The following ZNF385D variants were observed in gnomAD, a reference collection of about 807,000 sequenced individuals.
The protein encoded by ZNF385D is zinc finger protein 659.
ZNF385D carries 15 observed loss-of-function variants against 35.8 expected under a neutral mutation model. The ratio of observed to expected loss-of-function variants is 0.42; its 90% CI spans 0.28 to 0.64. ZNF385D has a LOEUF of 0.64. Among genes scored for constraint, ZNF385D ranks in the 30% least tolerant of loss-of-function variants. The pLI is 0.23. For synonymous variants in ZNF385D, 212 were observed against 186.8 expected (o/e 1.13, Z -1.10); for missense variants, 474 against 494.6 (o/e 0.96, Z 0.39).
chr3:21,706,753 C>A (rs974437744), intron 1 of ZNF385D, among the ~76,000 whole-genome samples: 3 of 152,010 alleles, frequency 2.0e-5, no homozygotes, highest in African/African-American at 7.3e-5. Context: ...AACAGAGCAC[C>A]ACATCACCTA....
chr3:21,463,350 T>A (rs1703305102), intron 4 of ZNF385D, among the ~76,000 whole-genome samples: 1 of 152,224 alleles, frequency 6.6e-6, no homozygotes, highest in South Asian at 2.1e-4. Flanking sequence ...GATTTGTTTC[T>A]GCATTAAAAT....
chr3:21,927,761 G>A (rs974436415), intron 3 of ZNF385D, among the ~76,000 whole-genome samples: 1 of 152,102 alleles, frequency 6.6e-6, no homozygotes, highest in Non-Finnish European at 1.5e-5. Flanking sequence ...TAAACTAGGG[G>A]ACATTTTATT....
intron 3 of ZNF385D, chr3:21,543,006 G>A (rs2062230399): frequency 6.5e-6 from 1 of 152,828 alleles, no homozygotes; most frequent in Non-Finnish European, 1.5e-5. Context: ...GTGAGTGAAA[G>A]GGGGACTCAA....
intron 3 of ZNF385D, among the ~76,000 whole-genome samples, chr3:22,148,316 G>T (rs1433197451): frequency 6.6e-6 from 1 of 152,166 alleles, no homozygotes; most frequent in Non-Finnish European, 1.5e-5. Flanking sequence ...TAAATAAGTT[G>T]TGTTATTTCT....
chr3:21,550,656 CATTTTTA>C (rs1209107017), intron 3 of ZNF385D, among the ~76,000 whole-genome samples: 1 of 152,070 alleles, frequency 6.6e-6, no homozygotes, highest in African/African-American at 2.4e-5. Flanking sequence ...CTAATTTTTG[CATTTTTA>C]ACAGAGACAG....
At chr3:22,196,645 A>G (rs897844595) in intron 2 of ZNF385D, among the ~76,000 whole-genome samples, 4 of 152,014 alleles carry the variant, frequency 2.6e-5, no homozygotes, top group Non-Finnish European at 5.9e-5. Context: ...ATTTTACCAT[A>G]TATTGGAAAA....
chr3:21,905,731 A>T (rs1404638028), intron 3 of ZNF385D, among the ~76,000 whole-genome samples: 1 of 151,218 alleles, frequency 6.6e-6, no homozygotes, highest in African/African-American at 2.4e-5. Flanking sequence ...CACACTTTTT[A>T]CTATTGATTA....
At chr3:21,854,701 G>A (rs1344882336) in intron 3 of ZNF385D, among the ~76,000 whole-genome samples, 5 of 151,802 alleles carry the variant, frequency 3.3e-5, no homozygotes, top group African/African-American at 1.2e-4. Flanking sequence ...CTTTAATCCT[G>A]ACTATGGCTT....
chr3:21,799,383 G>C (rs1163640422), intron 3 of ZNF385D, among the ~76,000 whole-genome samples: 1 of 152,106 alleles, frequency 6.6e-6, no homozygotes, highest in African/African-American at 2.4e-5. Flanking sequence ...ATTCCCACCA[G>C]CAATGTGTAA....
At chr3:21,716,988 T>A (rs1575521438) in intron 1 of ZNF385D, among the ~76,000 whole-genome samples, 1 of 151,830 alleles carries the variant, frequency 6.6e-6, no homozygotes, top group African/African-American at 2.4e-5. Context: ...TGTGATGTGG[T>A]GTAGTGTGGT....
At chr3:21,958,592 A>C (rs776318782) in intron 3 of ZNF385D, among the ~76,000 whole-genome samples, 1 of 152,166 alleles carries the variant, frequency 6.6e-6, no homozygotes, top group Non-Finnish European at 1.5e-5. Flanking sequence ...CATTGTTCCA[A>C]GTCAATGAAA....
intron 3 of ZNF385D, among the ~76,000 whole-genome samples, chr3:22,106,078 A>C (rs1702195772): frequency 6.6e-6 from 1 of 152,130 alleles, no homozygotes; most frequent in Non-Finnish European, 1.5e-5. Context: ...TAGGACTCTG[A>C]AACTCTGACT....
chr3:21,950,228 G>C (rs1368290626), intron 3 of ZNF385D, among the ~76,000 whole-genome samples: 1 of 151,746 alleles, frequency 6.6e-6, no homozygotes, highest in Admixed American at 6.6e-5. Flanking sequence ...GTTGTTTCCT[G>C]ACTTTTTAAT....
intron 1 of ZNF385D, among the ~76,000 whole-genome samples, chr3:21,679,746 T>C (rs548087585): frequency 4.0e-5 from 6 of 151,762 alleles, no homozygotes; most frequent in African/African-American, 1.4e-4. Flanking sequence ...GGAGGGAAAA[T>C]AGCAATTTGG....
intron 3 of ZNF385D, among the ~76,000 whole-genome samples, chr3:22,138,160 T>C (rs1448340934): frequency 6.6e-6 from 1 of 151,922 alleles, no homozygotes; most frequent in Non-Finnish European, 1.5e-5. Context: ...CTCAATGAAA[T>C]AAAAGAGGAT....
rs188644604 is a variant in ZNF385D, at chr3:21,826,106, C to G, written c.326-161078G>C. Among the ~76,000 whole-genome samples the G allele has an allele frequency of 3.9e-5, 6 of 152,252 alleles. No individual in the cohort carries two copies. The South Asian group carries it at 1.2e-3, about 32-fold the overall frequency. On this transcript the variant is annotated intron_variant, in intron 3 of 5. Transcript: ENST00000494108. Reference sequence around the variant, plus strand: ...TCCCTAGTGCCAAAAACGTTGGGGACGGCTGCTCTAGCCAACTTTCTCTTA... The same window carrying G: ...TCCCTAGTGCCAAAAACGTTGGGGAGGGCTGCTCTAGCCAACTTTCTCTTA...
chr3:21,865,093 C>T (rs932283961), intron 3 of ZNF385D, among the ~76,000 whole-genome samples: 3 of 111,186 alleles, frequency 2.7e-5, no homozygotes, highest in Non-Finnish European at 3.5e-5. Context: ...GAGGAGCCTA[C>T]CACTTGCCGT....
intron 3 of ZNF385D, among the ~76,000 whole-genome samples, chr3:22,014,221 G>C (rs1005652082): frequency 1.3e-5 from 2 of 151,702 alleles, no homozygotes; most frequent in Non-Finnish European, 2.9e-5. Context: ...TTTTTTAAAG[G>C]GGGAAGGAAG....
intron 2 of ZNF385D, among the ~76,000 whole-genome samples, chr3:22,354,294 T>C (rs915540257): frequency 6.6e-6 from 1 of 152,090 alleles, no homozygotes; most frequent in Admixed American, 6.6e-5. Flanking sequence ...AAAACATCAG[T>C]ACATATTTCA....
Sources: gnomAD v4.1 joint callset for allele counts (sites outside exome capture counted in the v4.1 genomes callset) on GRCh38, gnomAD v4.1.1 for gene constraint, MANE v1.5 for transcripts, NCBI Gene and HGNC (gene_info 2026-07-23, HGNC 2026-07-21) for gene names.